Variants in AVEN observed in about 807,000 individuals in gnomAD.
AVEN encodes cell death regulator Aven.
In AVEN, 41 loss-of-function variants were observed where a neutral mutation model predicts 38.1. That is an observed-to-expected ratio of 1.08 (90% CI 0.84 to 1.40). The LOEUF (loss-of-function observed/expected upper bound fraction) is 1.40. Ranked by LOEUF, AVEN falls within the 40% of genes most tolerant of loss-of-function variation. The pLI, the probability that AVEN is intolerant of heterozygous loss-of-function variation, is 0.00. For missense variants in AVEN, 605 were observed against 438.8 expected (o/e 1.38, Z -3.38); for synonymous variants, 206 against 171.8 (o/e 1.20, Z -1.56).
Position 33,989,367 on chromosome 15 carries a change from A to C in AVEN, c.445+13665T>G, listed in dbSNP as rs935429399. On this transcript the variant is annotated intron_variant, in intron 2 of 5. Transcript: ENST00000306730. ...TTTGTATAGAACTTTATAATTTGTA[A>C]AATAATTCCACATGATCGTCACAAC... Among the ~76,000 whole-genome samples the C allele has an allele frequency of 4.6e-5, 7 of 152,226 alleles. No homozygotes were observed. The South Asian group carries it at 1.5e-3, about 32-fold the overall frequency.
rs1426066669 is a variant in AVEN at position 33,890,504 on chromosome 15, G to C, written c.446-14509C>G. On this transcript the variant is annotated intron_variant, in intron 2 of 5. Transcript: ENST00000306730. The stretch of plus-strand genomic sequence containing the variant: ...GTGCCATAAAGGGGATAAGGAAACA[G>C]AGAAATAAGGGGGGAAATCATGTTA... 2.6e-5 allele frequency among the ~76,000 whole-genome samples: 4 copies of C among 152,180 alleles called. No homozygotes were observed. The South Asian group carries it at 6.2e-4, about 24-fold the overall frequency.
downstream of AVEN, among the ~76,000 whole-genome samples, chr15:33,861,825 T>C (rs1409382596): frequency 6.6e-6 from 1 of 152,148 alleles, no homozygotes; most frequent in African/African-American, 2.4e-5. Context: ...TTTTTTGTTT[T>C]TGTTGGCCAG....
chr15:34,004,163 A>C (rs1897242170), intron 1 of AVEN, among the ~76,000 whole-genome samples: 1 of 152,232 alleles, frequency 6.6e-6, no homozygotes, highest in African/African-American at 2.4e-5. Flanking sequence ...ACAAAATCTT[A>C]ATTCAATAGA....
rs547388518 is a variant in AVEN, at chr15:34,069,033, G to C, written n.784+1555C>G. On this transcript the variant is annotated intron_variant and non_coding_transcript_variant, in intron 2 of 11. Coordinates refer to the AVEN transcript ENST00000675287. ...TCACCGTGTTAGCCAGGATGGTCTC[G>C]ATCTCCTGACCTCATGATCCACCCG... Among the ~76,000 whole-genome samples, 428 of 151,766 alleles carry C rather than the reference G, an allele frequency of 2.8e-3. 2 individuals carry two copies. The highest frequency in any genetic ancestry group is 4.8e-3 in the Non-Finnish European group (326 of 67,836).
chr15:33,854,807 G>T, downstream of AVEN: 1 of 1,613,658 alleles, frequency 6.2e-7, no homozygotes, highest in Non-Finnish European at 8.5e-7. Flanking sequence ...TGTCAGTCCT[G>T]GGCCACTACA....
chr15:33,981,085 C>T (rs1439629059), intron 2 of AVEN, among the ~76,000 whole-genome samples: 3 of 53,494 alleles, frequency 5.6e-5, no homozygotes, highest in Admixed American at 2.6e-4. Flanking sequence ...GATTCCAAGA[C>T]TCCCCAGTTT....
chr15:33,887,449 C>CA (rs2153039552), intron 2 of AVEN, among the ~76,000 whole-genome samples: 1 of 152,220 alleles, frequency 6.6e-6, no homozygotes, highest in South Asian at 2.1e-4. Flanking sequence ...CAGAATGTAA[C>CA]AGCTTTTACC....
chr15:34,040,251 A>G (rs1238321238), upstream of AVEN, among the ~76,000 whole-genome samples: 1 of 152,218 alleles, frequency 6.6e-6, no homozygotes, highest in Non-Finnish European at 1.5e-5. Flanking sequence ...AGATGATTAC[A>G]GTACCGTGTT....
intron 2 of AVEN, among the ~76,000 whole-genome samples, chr15:33,942,940 C>T (rs1255105945): frequency 2.0e-5 from 3 of 152,136 alleles, no homozygotes; most frequent in Non-Finnish European, 2.9e-5. Flanking sequence ...GATTCAACAC[C>T]GTAACACATT....
chr15:33,988,295 C>T (rs1567451501), intron 2 of AVEN, among the ~76,000 whole-genome samples: 1 of 152,098 alleles, frequency 6.6e-6, no homozygotes, highest in Non-Finnish European at 1.5e-5. Flanking sequence ...TGAACAGTAT[C>T]AAGTGCAAAA....
intron 2 of AVEN, among the ~76,000 whole-genome samples, chr15:33,939,246 A>T (rs1894218806): frequency 6.6e-6 from 1 of 152,326 alleles, no homozygotes; most frequent in East Asian, 1.9e-4. Flanking sequence ...ACTTCTATAC[A>T]AATTGTCACT....
intron 2 of AVEN, among the ~76,000 whole-genome samples, chr15:33,980,691 A>G (rs1472816795): frequency 1.3e-5 from 2 of 152,128 alleles, no homozygotes; most frequent in Admixed American, 6.6e-5. Flanking sequence ...CTGCCCCACA[A>G]CTTGGCCCAT....
intron 2 of AVEN, among the ~76,000 whole-genome samples, chr15:33,900,310 T>A (rs77354839): frequency 9.8e-3 from 173 of 17,610 alleles, no homozygotes; most frequent in Middle Eastern, 0.05. Context: ...GGGAGAACAT[T>A]TTTTTTTTTT....
chr15:33,933,510 CACACACACACACACAGAGAGAGAGAG>C (rs1173189910), intron 2 of AVEN, among the ~76,000 whole-genome samples: 1 of 119,152 alleles, frequency 8.4e-6, no homozygotes, highest in African/African-American at 3.2e-5. Context: ...CACACACACA[CACACACACACACACAGAGAGAGAGAG>C]AGAGAGAGAG....
chr15:33,884,466 G>A (rs966814699), intron 2 of AVEN, among the ~76,000 whole-genome samples: 3 of 152,080 alleles, frequency 2.0e-5, no homozygotes, highest in Non-Finnish European at 2.9e-5. Context: ...AAATAAAGGT[G>A]TCGTACCAAT....
chr15:33,860,130 C>A (rs2080179704), intron 11 of AVEN, among the ~76,000 whole-genome samples: 1 of 152,086 alleles, frequency 6.6e-6, no homozygotes, highest in South Asian at 2.1e-4. Context: ...TAGTCAACAG[C>A]TTGTCAAGAT....
In AVEN at chr15:33,957,291, G is replaced by T. The variant is rs528260042; in HGVS notation, c.445+45741C>A. Among the ~76,000 whole-genome samples, 3 of 152,274 alleles carry T rather than the reference G, an allele frequency of 2.0e-5. No individual in the cohort carries two copies. The South Asian group carries it at 6.2e-4, about 32-fold the overall frequency. ...CACGTATATCCCAAAGGGTAACACT[G>T]CCAAGCTTCCTTGTCCATTAGAGAC... On this transcript the variant is annotated intron_variant, in intron 2 of 5. Transcript: ENST00000306730.
intron 5 of AVEN, among the ~76,000 whole-genome samples, chr15:34,059,272 A>G (rs1900259961): frequency 2.6e-5 from 4 of 152,250 alleles, no homozygotes; most frequent in Admixed American, 2.0e-4. Flanking sequence ...GAGTATGTGC[A>G]CATCCAAATT....
At chr15:33,858,126 A>G (rs2079898098), downstream of AVEN, 2 of 632,690 alleles carry the variant, frequency 3.2e-6, no homozygotes, top group Non-Finnish European at 5.3e-6. Flanking sequence ...TTTCATTACC[A>G]CACATCTAAG....
Sources: gnomAD v4.1 joint callset for allele counts (sites outside exome capture counted in the v4.1 genomes callset) on GRCh38, gnomAD v4.1.1 for gene constraint, MANE v1.5 for transcripts, NCBI Gene and HGNC (gene_info 2026-07-23, HGNC 2026-07-21) for gene names.